FBXW11: variants seen among roughly 807,000 people sequenced by gnomAD.
FBXW11 encodes the protein F-box/WD repeat-containing protein 11.
FBXW11 carries 19 observed loss-of-function variants against 77.6 expected under a neutral mutation model. The observed-to-expected ratio is 0.24, with a 90% CI of 0.17 to 0.36. FBXW11 has a LOEUF of 0.36. FBXW11 is among the 10% of genes least tolerant of loss of function. FBXW11 has a pLI of 1.00. For synonymous variants in FBXW11, 235 were observed against 249.4 expected (o/e 0.94, Z 0.54); for missense variants, 334 against 704.2 (o/e 0.47, Z 5.95).
intron 2 of FBXW11, among the ~76,000 whole-genome samples, chr5:171,948,248 A>AC (rs1252544774): frequency 1.6e-4 from 24 of 151,802 alleles, no homozygotes; most frequent in African/African-American, 5.6e-4. Flanking sequence ...AAAAAAAAAA[A>AC]AAAAAACTGG....
intron 1 of FBXW11, 39 bp from the exon 2 acceptor site, chr5:171,957,737 T>C (rs1185299872): frequency 2.6e-6 from 4 of 1,556,914 alleles, no homozygotes; most frequent in Non-Finnish European, 1.8e-6. Context: ...AAGAAGCAGT[T>C]AGAGGCCGCA....
chr5:171,894,781 T>G (rs1237031241), intron 6 of FBXW11, among the ~76,000 whole-genome samples: 1 of 151,632 alleles, frequency 6.6e-6, no homozygotes, highest in Non-Finnish European at 1.5e-5. Flanking sequence ...GTAGTAACTT[T>G]GGCAAAGGAC....
At chr5:171,940,640 G>A (rs949987795) in intron 2 of FBXW11, among the ~76,000 whole-genome samples, 5 of 152,140 alleles carry the variant, frequency 3.3e-5, no homozygotes, top group East Asian at 1.9e-4. Context: ...CTGTAATCCC[G>A]GCACTTTGGG....
Position 171,861,747 on chromosome 5 carries a change from T to C in FBXW11, c.*2380A>G, listed in dbSNP as rs980366754. 9.8e-5 allele frequency: 15 copies of C among 152,686 alleles called. No individual in the cohort carries two copies. Among genetic ancestry groups the C allele is most frequent in the African/African-American group, 3.4e-4 (14 of 41,478 alleles). 9.5% of individuals were successfully genotyped at this position (152,686 alleles called of 1,614,324 possible). ...CACAGTACAAAGCTGTCATGAATAATATCTGTACAATTTAACAGTTTCAAT... is the reference window on the plus strand; with the variant it reads ...CACAGTACAAAGCTGTCATGAATAACATCTGTACAATTTAACAGTTTCAAT... On this transcript the variant is annotated 3_prime_UTR_variant, in exon 14 of 14. Coordinates refer to ENST00000517395, the MANE Select transcript of FBXW11 (RefSeq NM_001378974.1).
At chr5:171,968,892 C>G (rs1404839619) in intron 1 of FBXW11, among the ~76,000 whole-genome samples, 1 of 152,168 alleles carries the variant, frequency 6.6e-6, no homozygotes, top group Non-Finnish European at 1.5e-5. Flanking sequence ...TCCTGATTGT[C>G]CTCTAATATA....
At chr5:171,915,742 T>C (rs941673257) in intron 2 of FBXW11, among the ~76,000 whole-genome samples, 6 of 151,860 alleles carry the variant, frequency 4.0e-5, no homozygotes, top group Non-Finnish European at 7.4e-5. Context: ...GCTTAGTGCA[T>C]AATGGGTATT....
rs907031119 is a variant in FBXW11, at chr5:171,904,674, C to T, written c.437-4574G>A. Among the ~76,000 whole-genome samples, 7 of 151,972 alleles carry T rather than the reference C, an allele frequency of 4.6e-5. No homozygotes were observed. In the East Asian group the frequency reaches 1.3e-3, roughly 29 times the overall value. ...GCAACCTCCACCTCCTGGGTTCAAG[C>T]GATTCTCCTGCCTCAGCCTCCCGAG... is the stretch of plus-strand genomic sequence containing the variant. On this transcript the variant is annotated intron_variant, in intron 4 of 13. Transcript: ENST00000517395. The surrounding 1 kb of genome is among the most constrained non-coding windows in gnomAD (Gnocchi z 4.0).
intron 2 of FBXW11, among the ~76,000 whole-genome samples, chr5:171,930,754 T>TAAAAAA (rs1300857997): frequency 3.1e-5 from 1 of 32,328 alleles, no homozygotes; most frequent in African/African-American, 8.5e-5. Context: ...AAATAAAAAA[T>TAAAAAA]AAAAAAATAA....
chr5:171,951,060 A>T (rs1466857732), intron 2 of FBXW11, among the ~76,000 whole-genome samples: 1 of 152,230 alleles, frequency 6.6e-6, no homozygotes. Context: ...AGATTACTAA[A>T]CTTTTCTGTA....
rs1761077360 is a variant in FBXW11, at chr5:171,914,197, T to C, written c.210+146A>G. On this transcript the variant is annotated intron_variant, in intron 3 of 13. Coordinates refer to ENST00000517395, the MANE Select transcript of FBXW11 (RefSeq NM_001378974.1). ...ATGACAATTCCCTATGGAATGAAGA[T>C]AAATTAGGGTGGATTCTGAAACTAG... 6.1e-6 allele frequency: 4 copies of C among 655,474 alleles called. No individual in the cohort carries two copies. In the South Asian group the frequency reaches 7.8e-5, roughly 13 times the overall value. The allele number at this position is 655,474 out of a possible 1,614,324, so 40.6% of individuals were successfully genotyped here.
At chr5:171,952,447 AT>A (rs1164383563) in intron 2 of FBXW11, among the ~76,000 whole-genome samples, 4 of 6,948 alleles carry the variant, frequency 5.8e-4, no homozygotes, top group African/African-American at 6.8e-4. Context: ...ATATATATAT[AT>A]TTTTTTTTTT....
Position 171,969,733 on chromosome 5 carries a change from G to T in FBXW11, c.46-12035C>A, listed in dbSNP as rs531635868. 9.9e-5 allele frequency among the ~76,000 whole-genome samples: 15 copies of T among 152,152 alleles called. 1 individual carries two copies. ...GTTTTTGTTTTTCAGACAAAATTGC[G>T]CTCTGTCACCCAGGCTGGAGTACAC... On this transcript the variant is annotated intron_variant, in intron 1 of 13. Coordinates refer to ENST00000517395, the MANE Select transcript of FBXW11 (RefSeq NM_001378974.1).
intron 2 of FBXW11, 45 bp downstream of exon 2, chr5:171,957,552 T>C (rs768235923): frequency 2.8e-5 from 41 of 1,485,730 alleles, no homozygotes; most frequent in Non-Finnish European, 3.7e-5. Flanking sequence ...CAAATGTTCA[T>C]GGCATACGTA....
intron 1 of FBXW11, among the ~76,000 whole-genome samples, chr5:171,998,516 G>A (rs1766207617): frequency 6.6e-6 from 1 of 151,518 alleles, no homozygotes; most frequent in Non-Finnish European, 1.5e-5. Flanking sequence ...CACATTATAG[G>A]CTGGGCTCGA....
At chr5:171,968,190 C>T (rs1764323808) in intron 1 of FBXW11, among the ~76,000 whole-genome samples, 1 of 152,156 alleles carries the variant, frequency 6.6e-6, no homozygotes, top group Non-Finnish European at 1.5e-5. Flanking sequence ...GGCGCAGTGG[C>T]TCACGCCTGT....
chr5:171,963,011 G>C (rs1049220391), intron 1 of FBXW11, among the ~76,000 whole-genome samples: 1 of 152,084 alleles, frequency 6.6e-6, no homozygotes, highest in Non-Finnish European at 1.5e-5. Flanking sequence ...ATCATTACCA[G>C]CTTCTTCTCA....
chr5:171,918,526 G>A (rs1761398346), intron 2 of FBXW11, among the ~76,000 whole-genome samples: 1 of 152,108 alleles, frequency 6.6e-6, no homozygotes, highest in South Asian at 2.1e-4. Flanking sequence ...ACACTTATGA[G>A]AAGGAAAAGT....
chr5:171,896,184 T>C (rs528768209), intron 6 of FBXW11, among the ~76,000 whole-genome samples: 1 of 152,128 alleles, frequency 6.6e-6, no homozygotes, highest in African/African-American at 2.4e-5. Flanking sequence ...AACGTACAGA[T>C]TACAGGAGCT....
intron 12 of FBXW11, 29 bp from the exon 13 acceptor site, chr5:171,868,825 A>G: frequency 6.3e-7 from 1 of 1,597,780 alleles, no homozygotes; most frequent in Non-Finnish European, 8.5e-7. Flanking sequence ...CATGAATAAA[A>G]TGAGATCTTT....
Sources: allele counts gnomAD v4.1 joint callset (sites outside exome capture counted in the v4.1 genomes callset), GRCh38; gene constraint gnomAD v4.1.1; non-coding constraint Gnocchi (gnomAD v3.1); transcripts MANE v1.5; gene names NCBI Gene and HGNC (gene_info 2026-07-23, HGNC 2026-07-21).